The following MYT1L variants were observed in gnomAD, a reference collection of about 807,000 sequenced individuals.
The protein encoded by MYT1L is myelin transcription factor 1-like protein.
MYT1L carries 12 observed loss-of-function variants against 126.7 expected under a neutral mutation model. The observed-to-expected ratio is 0.09, with a 90% confidence interval of 0.06 to 0.15. The LOEUF (loss-of-function observed/expected upper bound fraction) is 0.15, where lower values mean the gene tolerates loss of function less well. Ranked by LOEUF, MYT1L falls within the 10% of genes least tolerant of loss-of-function variation. MYT1L has a pLI of 1.00. For synonymous variants in MYT1L, 541 were observed against 604.2 expected (o/e 0.90, Z 1.53); for missense variants, 979 against 1,585.2 (o/e 0.62, Z 6.49).
At chr2:1,792,553 A>G in intron 23 of MYT1L, 89 bp from the exon 24 acceptor site, 1 of 1,379,888 alleles carries the variant, frequency 7.2e-7, no homozygotes, top group South Asian at 1.4e-5. Context: ...ACTGGGTGCG[A>G]AGAAGGGGCC....
chr2:1,797,161 C>T (rs1208737652), intron 23 of MYT1L, among the ~76,000 whole-genome samples: 1 of 152,140 alleles, frequency 6.6e-6, no homozygotes, highest in Non-Finnish European at 1.5e-5. Flanking sequence ...GTTGGGGAAA[C>T]GCAGACCCCA....
At chr2:2,265,382 A>G (rs2095101090) in intron 2 of MYT1L, among the ~76,000 whole-genome samples, 2 of 152,074 alleles carry the variant, frequency 1.3e-5, no homozygotes, top group Admixed American at 6.6e-5. Context: ...AGAGTTAAAT[A>G]AGATTATGTA....
chr2:2,203,397 T>A (rs2093169770), intron 2 of MYT1L, among the ~76,000 whole-genome samples: 1 of 147,324 alleles, frequency 6.8e-6, no homozygotes, highest in South Asian at 2.1e-4. Flanking sequence ...CTTAAGCTGA[T>A]AAGCAACTTC....
At chr2:1,925,659 C>T (rs541238864) in intron 9 of MYT1L, among the ~76,000 whole-genome samples, 13 of 152,268 alleles carry the variant, frequency 8.5e-5, no homozygotes, top group African/African-American at 2.2e-4. Context: ...GTCCCTGAAC[C>T]GTCTGGAGAC....
rs566541033 is a variant in MYT1L, at chr2:2,216,544, C to T, written c.-420-43556G>A. Among the ~76,000 whole-genome samples, 58 of 152,256 alleles carry T rather than the reference C, an allele frequency of 3.8e-4. No individual in the cohort carries two copies. The South Asian group carries it at 0.011, about 29-fold the overall frequency. On this transcript the variant is annotated intron_variant, in intron 2 of 24. Transcript: ENST00000647738. ...ATTGTTCTGGGCATTTAATTTGCAA[C>T]ATTAAATGCGTATATCAGAAAAGAA... is the stretch of plus-strand genomic sequence containing the variant.
chr2:2,167,229 G>A (rs1438267938), intron 3 of MYT1L, among the ~76,000 whole-genome samples: 1 of 152,182 alleles, frequency 6.6e-6, no homozygotes, highest in Non-Finnish European at 1.5e-5. Context: ...AAACCCCCAG[G>A]TTTTGAGGGG....
intron 3 of MYT1L, among the ~76,000 whole-genome samples, chr2:2,165,425 C>T (rs766308846): frequency 6.6e-6 from 1 of 152,158 alleles, no homozygotes; most frequent in Non-Finnish European, 1.5e-5. Context: ...TTGTGGCAAG[C>T]TCACACCTAA....
intron 4 of MYT1L, among the ~76,000 whole-genome samples, chr2:1,999,853 C>T (rs762553069): frequency 6.6e-6 from 1 of 152,124 alleles, no homozygotes; most frequent in African/African-American, 2.4e-5. Flanking sequence ...AAAAATTAAA[C>T]AGTTATTAAT....
At chr2:2,074,259 T>C (rs2074966209) in intron 3 of MYT1L, among the ~76,000 whole-genome samples, 1 of 152,230 alleles carries the variant, frequency 6.6e-6, no homozygotes, top group South Asian at 2.1e-4. Flanking sequence ...CTTTTATTTC[T>C]GGTTTCACAC....
At chr2:2,074,937 C>T (rs2075050107) in intron 3 of MYT1L, among the ~76,000 whole-genome samples, 1 of 152,108 alleles carries the variant, frequency 6.6e-6, no homozygotes. Context: ...TTACAACAAC[C>T]CCTTTGAGGT....
At chr2:2,246,055 C>A (rs1297293064) in intron 2 of MYT1L, among the ~76,000 whole-genome samples, 1 of 152,180 alleles carries the variant, frequency 6.6e-6, no homozygotes, top group East Asian at 1.9e-4. Flanking sequence ...ATTCTTTCAA[C>A]CACTGTGTTT....
At chr2:1,799,239 G>A (rs2034381275) in intron 23 of MYT1L, among the ~76,000 whole-genome samples, 1 of 152,212 alleles carries the variant, frequency 6.6e-6, no homozygotes, top group South Asian at 2.1e-4. Flanking sequence ...TCATCTCAGA[G>A]ATAAAGGCAC....
intron 4 of MYT1L, among the ~76,000 whole-genome samples, chr2:2,000,653 T>C (rs2062276966): frequency 6.6e-6 from 1 of 152,184 alleles, no homozygotes; most frequent in South Asian, 2.1e-4. Flanking sequence ...TTTGGGTTTC[T>C]TATGAATCCC....
rs558092549 is a variant in MYT1L at position 2,238,146 on chromosome 2, A to T, written c.-421+46258T>A. On this transcript the variant is annotated intron_variant, in intron 2 of 24. Transcript: ENST00000647738. ...TAGATTTTTCTCAGAACCAGAGAACATGGGGTCAGGGGGTGGTGGGGCATC... is the reference window on the plus strand; with the variant it reads ...TAGATTTTTCTCAGAACCAGAGAACTTGGGGTCAGGGGGTGGTGGGGCATC... Among the ~76,000 whole-genome samples, 172 of 152,280 alleles carry T rather than the reference A, an allele frequency of 1.1e-3. 1 individual carries two copies. The highest frequency in any genetic ancestry group is 2.2e-3 in the Non-Finnish European group (148 of 68,012).
chr2:1,813,018 C>A (rs528882791), intron 21 of MYT1L, among the ~76,000 whole-genome samples: 1 of 152,256 alleles, frequency 6.6e-6, no homozygotes, highest in East Asian at 1.9e-4. Context: ...GTCCACGGTG[C>A]GTGTGGCCCA....
chr2:1,830,594 C>T (rs192631925), intron 21 of MYT1L, among the ~76,000 whole-genome samples: 22 of 146,720 alleles, frequency 1.5e-4, no homozygotes, highest in African/African-American at 5.1e-4. Context: ...CCTGGAAGGG[C>T]TCACAGGGAG....
intron 21 of MYT1L, chr2:1,825,238 G>C (rs560405478): frequency 1.3e-5 from 2 of 152,398 alleles, no homozygotes; most frequent in Admixed American, 1.3e-4. Flanking sequence ...CTTTGGCAGG[G>C]AAAGGGGCCC....
At chr2:2,099,714 T>G (rs2077835882) in intron 3 of MYT1L, among the ~76,000 whole-genome samples, 1 of 152,172 alleles carries the variant, frequency 6.6e-6, no homozygotes, top group Admixed American at 6.5e-5. Flanking sequence ...CATAACCAAC[T>G]CCAAGATCAC....
rs2070069463 is a variant in MYT1L at position 2,059,330 on chromosome 2, C to T, written c.-303-5207G>A. ...CATGAAAGCACATGCCATCTTGTCC[C>T]ATGCAACACAAAACATGCAGGGCAC... On this transcript the variant is annotated intron_variant, in intron 3 of 24. Transcript: ENST00000647738. The surrounding 1 kb of genome is among the most constrained non-coding windows in gnomAD (Gnocchi z 4.7). Among the ~76,000 whole-genome samples the T allele has an allele frequency of 6.7e-6, 1 of 149,576 alleles. No individual in the cohort carries two copies. Among genetic ancestry groups the T allele is most frequent in the African/African-American group, 2.6e-5 (1 of 38,938 alleles).
Sources: allele counts gnomAD v4.1 joint callset (sites outside exome capture counted in the v4.1 genomes callset), GRCh38; gene constraint gnomAD v4.1.1; non-coding constraint Gnocchi (gnomAD v3.1); transcripts MANE v1.5; gene names NCBI Gene and HGNC (gene_info 2026-07-23, HGNC 2026-07-21).